The following SMIM3 variants were observed in gnomAD, a reference collection of about 807,000 sequenced individuals.
The protein encoded by SMIM3 is NGF-induced differentiation clone 67 protein.
A neutral mutation model predicts 2.1 loss-of-function variants in SMIM3; 4 were observed. That is an observed-to-expected ratio of 1.89 (90% CI 0.93 to 4.31). The LOEUF (loss-of-function observed/expected upper bound fraction) is 4.31, where lower values mean the gene tolerates loss of function less well. Ranked by LOEUF, SMIM3 falls within the 30% of genes most tolerant of loss-of-function variation. The pLI is 0.01. For synonymous variants in SMIM3, 29 were observed against 30.8 expected, an observed-to-expected ratio of 0.94 and a Z score of 0.19; for missense variants, 79 against 77.7, an observed-to-expected ratio of 1.02 and a Z score of -0.06.
intron 1 of SMIM3, among the ~76,000 whole-genome samples, chr5:150,790,104 C>T (rs1486855350): frequency 6.6e-6 from 1 of 152,174 alleles, no homozygotes; most frequent in Non-Finnish European, 1.5e-5. Context: ...TGATTATTCC[C>T]TTAAGGAGTA....
intron 1 of SMIM3, among the ~76,000 whole-genome samples, chr5:150,791,433 C>T (rs1753348832): frequency 6.6e-6 from 1 of 151,994 alleles, no homozygotes; most frequent in Non-Finnish European, 1.5e-5. Context: ...CCTCTGGTGA[C>T]CACCAGAGGC....
intron 1 of SMIM3, 63 bp downstream of exon 1, chr5:150,779,035 C>T (rs1581619440): frequency 8.5e-6 from 4 of 468,104 alleles, no homozygotes; most frequent in East Asian, 6.9e-5. Context: ...TTCGGATTCG[C>T]GACCTACCTC....
rs1207436256 is a variant in SMIM3 at position 150,778,930 on chromosome 5, A to G, written c.-54A>G. On this transcript the variant is annotated 5_prime_UTR_variant, in exon 1 of 2. Transcript: ENST00000526627. ...TGGGGACCCTGAGAAGCACCGAGCC[A>G]TCCCTGACCCAGGAACTTTCCGCAG... The G allele has an allele frequency of 1.2e-5, 6 of 516,068 alleles. No homozygotes were observed. The highest frequency in any genetic ancestry group is 4.0e-6 in the Non-Finnish European group (1 of 252,112). 32.0% of individuals were successfully genotyped at this position (516,068 alleles called of 1,614,324 possible).
In SMIM3 at chr5:150,795,547, C is replaced by G; in HGVS notation, c.107C>G (p.Ser36Trp). ...IILATIVIMTSLLLCPATAVI... is the reference protein window; with the variant it reads ...IILATIVIMTWLLLCPATAVI... ...CTGGCCACCATTGTCATCATGACCT[C>G]GTTGTTGCTGTGCCCAGCCACTGCA... is the stretch of plus-strand genomic sequence containing the variant. The change falls in exon 2 of 2, where the codon TCG becomes TGG. Residue 36 changes from serine to tryptophan, a missense_variant. Physicochemically the swap from Ser to Trp is radical, Grantham distance 177 (BLOSUM62 -3). Coordinates refer to ENST00000526627, the MANE Select transcript of SMIM3 (RefSeq NM_032947.5). The G allele has an allele frequency of 2.5e-6, 4 of 1,609,182 alleles. No homozygotes were observed. Among genetic ancestry groups the G allele is most frequent in the Non-Finnish European group, 3.4e-6 (4 of 1,179,226 alleles).
chr5:150,788,393 G>A (rs1224534836), intron 1 of SMIM3, among the ~76,000 whole-genome samples: 1 of 151,964 alleles, frequency 6.6e-6, no homozygotes, highest in Non-Finnish European at 1.5e-5. Flanking sequence ...ACTCTCCTTT[G>A]GGAAACTGAG....
At chr5:150,780,758 C>T (rs1753224993) in intron 1 of SMIM3, among the ~76,000 whole-genome samples, 1 of 152,154 alleles carries the variant, frequency 6.6e-6, no homozygotes, top group Admixed American at 6.5e-5. Flanking sequence ...GCCTCCATTT[C>T]TTCTCTATGG....
intron 1 of SMIM3, among the ~76,000 whole-genome samples, chr5:150,780,031 G>C (rs1030918935): frequency 6.6e-6 from 1 of 152,134 alleles, no homozygotes; most frequent in Non-Finnish European, 1.5e-5. Flanking sequence ...GGTGGTGAAG[G>C]CTGCGCAATC....
intron 1 of SMIM3, among the ~76,000 whole-genome samples, chr5:150,791,339 T>C (rs760205912): frequency 3.3e-5 from 5 of 152,178 alleles, no homozygotes; most frequent in Non-Finnish European, 5.9e-5. Context: ...TTAATTTTTT[T>C]ATCTCAGTAC....
chr5:150,792,594 G>C (rs1753360109), intron 1 of SMIM3, among the ~76,000 whole-genome samples: 2 of 152,170 alleles, frequency 1.3e-5, no homozygotes, highest in South Asian at 4.1e-4. Flanking sequence ...GAGTGCAGTG[G>C]TGTGATCATG....
intron 1 of SMIM3, among the ~76,000 whole-genome samples, chr5:150,782,385 C>T (rs1258515642): frequency 1.3e-5 from 2 of 152,138 alleles, no homozygotes; most frequent in African/African-American, 2.4e-5. Flanking sequence ...CTTTTATCAG[C>T]CTCCCTGACC....
At chr5:150,782,221 C>G (rs1167275998) in intron 1 of SMIM3, among the ~76,000 whole-genome samples, 3 of 152,154 alleles carry the variant, frequency 2.0e-5, no homozygotes, top group Non-Finnish European at 4.4e-5. Context: ...CCTCTGGCCC[C>G]TTTATTTGGA....
chr5:150,795,371 T>C, intron 1 of SMIM3, 59 bp from the exon 2 acceptor site: 3 of 1,581,756 alleles, frequency 1.9e-6, no homozygotes, highest in Non-Finnish European at 2.6e-6. Context: ...GGTTTCCTTC[T>C]AACCAGGGAG....
chr5:150,788,373 A>G (rs973384975), intron 1 of SMIM3, among the ~76,000 whole-genome samples: 3 of 152,142 alleles, frequency 2.0e-5, no homozygotes, highest in African/African-American at 7.2e-5. Flanking sequence ...AAATTTGACC[A>G]GGTGCGGTCA....
At position 150,795,481 on chromosome 5, in the gene SMIM3, C is replaced by T. The variant is rs1158001066; in HGVS notation, c.41C>T (p.Pro14Leu). 2.4e-5 allele frequency: 39 copies of T among 1,613,776 alleles called. No individual in the cohort carries two copies. The highest frequency in any genetic ancestry group is 5.0e-5 in the Admixed American group (3 of 59,998). ...CAAGTCCCCATGGAAGTCGTGCTTC[C>T]CAAGCACATCCTGGATATCTGGGTT... ...VSQVPMEVVL[P>L]KHILDIWVIV... Residue 14 changes from proline to leucine, a missense_variant, in exon 2 of 2, where the codon CCC becomes CTC. Coordinates refer to ENST00000526627, the MANE Select transcript of SMIM3 (RefSeq NM_032947.5).
intron 1 of SMIM3, among the ~76,000 whole-genome samples, chr5:150,784,767 CT>C (rs1753272711): frequency 6.6e-6 from 1 of 152,020 alleles, no homozygotes; most frequent in Non-Finnish European, 1.5e-5. Context: ...CCTAACGGTC[CT>C]TGTTAGTTTG....
In SMIM3 at chr5:150,788,273, A is replaced by T. The variant is rs559235037; in HGVS notation, c.-11-7157A>T. The stretch of plus-strand genomic sequence containing the variant: ...CCAGAAGTAAAATTTGATGTTTCCT[A>T]ATCAGGCAGTAGGGCTTCCCTTTGC... On this transcript the variant is annotated intron_variant, in intron 1 of 1. Coordinates refer to ENST00000526627, the MANE Select transcript of SMIM3 (RefSeq NM_032947.5). Among the ~76,000 whole-genome samples, 3 of 152,296 alleles carry T rather than the reference A, an allele frequency of 2.0e-5. No individual in the cohort carries two copies. In the East Asian group the frequency reaches 5.8e-4, roughly 29 times the overall value.
At chr5:150,779,421 C>G (rs1240766692) in intron 1 of SMIM3, among the ~76,000 whole-genome samples, 6 of 152,192 alleles carry the variant, frequency 3.9e-5, no homozygotes, top group South Asian at 2.1e-4. Context: ...TTACCTGTCC[C>G]GCTTTTCTCG....
intron 1 of SMIM3, among the ~76,000 whole-genome samples, chr5:150,785,083 CTTTTT>C (rs35401611): frequency 3.3e-5 from 3 of 92,192 alleles, no homozygotes; most frequent in Admixed American, 1.2e-4. Flanking sequence ...CTGAAAATGT[CTTTTT>C]TTTTTTTTTT....
Position 150,795,658 on chromosome 5 carries a change from C to T in SMIM3, c.*35C>T. 1 of 1,530,268 alleles carries T rather than the reference C, an allele frequency of 6.5e-7. No individual in the cohort carries two copies. 94.8% of individuals were successfully genotyped at this position (1,530,268 alleles called of 1,614,324 possible). On this transcript the variant is annotated 3_prime_UTR_variant, in exon 2 of 2. Coordinates refer to ENST00000526627, the MANE Select transcript of SMIM3 (RefSeq NM_032947.5). ...AAGAGGGCCGGGTGAGGGATGAGGA[C>T]AGGCATCCTATCCCCAGCCTCTTCC...
Sources: allele counts gnomAD v4.1 joint callset (sites outside exome capture counted in the v4.1 genomes callset), GRCh38; gene constraint gnomAD v4.1.1; transcripts MANE v1.5; gene names NCBI Gene and HGNC (gene_info 2026-07-23, HGNC 2026-07-21).